Variants in PCDH7 observed in about 807,000 individuals in gnomAD.
PCDH7 encodes the protein protocadherin-7.
Under a neutral mutation model 58.9 loss-of-function variants are expected in PCDH7, and 17 were observed. That is an observed-to-expected ratio of 0.29 (90% CI 0.20 to 0.43). The LOEUF (loss-of-function observed/expected upper bound fraction) is 0.43, where lower values mean the gene tolerates loss of function less well. PCDH7 is among the 20% of genes least tolerant of loss of function. The pLI is 1.00. For missense variants in PCDH7, 1,274 were observed against 1,441.0 expected, an observed-to-expected ratio of 0.88 and a Z score of 1.88; for synonymous variants, 664 against 616.4, an observed-to-expected ratio of 1.08 and a Z score of -1.14.
chr4:31,137,613 TAAAAA>T (rs1719764825), intron 3 of PCDH7, among the ~76,000 whole-genome samples: 2 of 152,086 alleles, frequency 1.3e-5, no homozygotes, highest in Non-Finnish European at 2.9e-5. Flanking sequence ...ACAAAATAAA[TAAAAA>T]GAAGAAAATA....
At chr4:31,031,280 G>C (rs1159528324) in intron 3 of PCDH7, among the ~76,000 whole-genome samples, 1 of 152,202 alleles carries the variant, frequency 6.6e-6, no homozygotes, top group African/African-American at 2.4e-5. Context: ...CAACAACGGG[G>C]ATGCAACTGG....
At chr4:30,996,353 C>G (rs968652343) in intron 3 of PCDH7, among the ~76,000 whole-genome samples, 2 of 152,148 alleles carry the variant, frequency 1.3e-5, no homozygotes, top group African/African-American at 4.8e-5. Flanking sequence ...CTCAGGTAGA[C>G]TAATAACTGT....
At chr4:31,133,141 G>T (rs949584556) in intron 3 of PCDH7, among the ~76,000 whole-genome samples, 3 of 152,020 alleles carry the variant, frequency 2.0e-5, no homozygotes, top group African/African-American at 7.2e-5. Context: ...AAACATTTTT[G>T]ACTTTGATTC....
At chr4:31,113,815 T>A (rs1716638962) in intron 3 of PCDH7, among the ~76,000 whole-genome samples, 1 of 150,434 alleles carries the variant, frequency 6.6e-6, no homozygotes, top group African/African-American at 2.5e-5. Context: ...TTTTTGAAAT[T>A]TAAAAGTTAA....
rs1469017424 is a variant in PCDH7, at chr4:30,831,939, T to G, written c.71-88214T>G. Among the ~76,000 whole-genome samples, 4 of 152,288 alleles carry G rather than the reference T, an allele frequency of 2.6e-5. No individual in the cohort carries two copies. The East Asian group carries it at 7.7e-4, about 29-fold the overall frequency. The stretch of plus-strand genomic sequence containing the variant: ...TTTGTATTTAAGATATTTTGTAATT[T>G]TCATAATTTTGCATTTTTAATGTAT... On this transcript the variant is annotated intron_variant, in intron 1 of 3. Coordinates refer to the PCDH7 transcript ENST00000509759.
At chr4:31,013,629 A>G (rs564967314) in intron 3 of PCDH7, among the ~76,000 whole-genome samples, 16 of 151,442 alleles carry the variant, frequency 1.1e-4, no homozygotes, top group Non-Finnish European at 2.1e-4. Flanking sequence ...ATATATCTGC[A>G]CATACTGTTT....
chr4:30,917,463 G>A lies in PCDH7; in HGVS notation c.71-2690G>A, dbSNP rs570535573. On this transcript the variant is annotated intron_variant, in intron 1 of 3. Coordinates refer to the PCDH7 transcript ENST00000509759. ...TTTAAAATATGAATAAAAATGATAG[G>A]TGTGATATATTATAATCCATTGTAT... Among the ~76,000 whole-genome samples the A allele has an allele frequency of 3.3e-5, 5 of 151,980 alleles. No individual in the cohort carries two copies. The East Asian group carries it at 9.7e-4, about 29-fold the overall frequency.
At chr4:30,759,178 G>A (rs1719713915) in intron 1 of PCDH7, among the ~76,000 whole-genome samples, 1 of 152,074 alleles carries the variant, frequency 6.6e-6, no homozygotes, top group Non-Finnish European at 1.5e-5. Flanking sequence ...CTGACCTCAG[G>A]CCATCCGCCC....
At chr4:30,799,087 G>A (rs935238243) in intron 1 of PCDH7, among the ~76,000 whole-genome samples, 1 of 152,128 alleles carries the variant, frequency 6.6e-6, no homozygotes, top group Non-Finnish European at 1.5e-5. Flanking sequence ...CAATATCGGA[G>A]ACATAGTCTG....
intron 3 of PCDH7, among the ~76,000 whole-genome samples, chr4:31,109,271 G>T (rs142153528): frequency 6.6e-6 from 1 of 152,282 alleles, no homozygotes; most frequent in Non-Finnish European, 1.5e-5. Context: ...GGAAAGGATG[G>T]AGAATTATGA....
chr4:30,974,754 G>A (rs1426482811), intron 3 of PCDH7, among the ~76,000 whole-genome samples: 1 of 152,142 alleles, frequency 6.6e-6, no homozygotes, highest in African/African-American at 2.4e-5. Flanking sequence ...GCATTCAAAA[G>A]TGCTGGAGTT....
chr4:30,872,823 T>G (rs4269140), intron 1 of PCDH7, among the ~76,000 whole-genome samples: 56,389 of 151,854 alleles, frequency 0.37, 10,921 homozygotes, highest in African/African-American at 0.44. Context: ...GTGCTTCATT[T>G]TTTCTCATCA....
intron 3 of PCDH7, among the ~76,000 whole-genome samples, chr4:31,013,397 A>G (rs184047265): frequency 6.6e-6 from 1 of 151,368 alleles, no homozygotes; most frequent in Admixed American, 6.6e-5. Flanking sequence ...ATATATATAG[A>G]CATACATATT....
At chr4:30,847,697 T>C (rs1430135866) in intron 1 of PCDH7, among the ~76,000 whole-genome samples, 1 of 152,192 alleles carries the variant, frequency 6.6e-6, no homozygotes, top group Non-Finnish European at 1.5e-5. Context: ...GTTAATTTTA[T>C]AGTGGATTTT....
chr4:30,759,049 C>A (rs1016004122), intron 1 of PCDH7, among the ~76,000 whole-genome samples: 2 of 145,746 alleles, frequency 1.4e-5, no homozygotes, highest in African/African-American at 2.5e-5. Flanking sequence ...TCAAGTGATT[C>A]TTCTGCCTCA....
At chr4:31,008,600 G>T (rs1043209380) in intron 3 of PCDH7, among the ~76,000 whole-genome samples, 2 of 150,578 alleles carry the variant, frequency 1.3e-5, no homozygotes, top group African/African-American at 5.0e-5. Flanking sequence ...TAATTTACAG[G>T]GTTTCCTCTT....
intron 1 of PCDH7, among the ~76,000 whole-genome samples, chr4:30,839,174 ACTCT>A (rs917771663): frequency 2.0e-5 from 3 of 151,864 alleles, no homozygotes; most frequent in African/African-American, 4.8e-5. Context: ...TATGTAGTAT[ACTCT>A]CTCTATATAT....
intron 1 of PCDH7, among the ~76,000 whole-genome samples, chr4:30,770,724 AAAAAACTGG>A (rs553577328): frequency 4.5e-4 from 68 of 152,272 alleles, no homozygotes; most frequent in Non-Finnish European, 9.0e-4. Flanking sequence ...CTTCCCCATT[AAAAAACTGG>A]AAAATTGAAC....
chr4:30,891,123 C>G (rs893691822), intron 1 of PCDH7, among the ~76,000 whole-genome samples: 1 of 152,074 alleles, frequency 6.6e-6, no homozygotes, highest in African/African-American at 2.4e-5. Context: ...CTAATTGCCC[C>G]TCTCATTTTG....
Sources: gnomAD v4.1 joint callset for allele counts (sites outside exome capture counted in the v4.1 genomes callset) on GRCh38, gnomAD v4.1.1 for gene constraint, MANE v1.5 for transcripts, NCBI Gene and HGNC (gene_info 2026-07-23, HGNC 2026-07-21) for gene names.